Variants in GRIK4 observed in about 807,000 individuals in gnomAD.
GRIK4 encodes glutamate receptor ionotropic, kainate 4.
In GRIK4, 40 loss-of-function variants were observed where a neutral mutation model predicts 104.9. The ratio of observed to expected loss-of-function variants is 0.38; its 90% CI spans 0.30 to 0.50. The LOEUF (loss-of-function observed/expected upper bound fraction) is 0.50, where lower values mean the gene tolerates loss of function less well. Among genes scored for constraint, GRIK4 ranks in the 20% least tolerant of loss-of-function variants. GRIK4 has a pLI of 0.93. For missense variants in GRIK4, 1,047 were observed against 1,308.1 expected (o/e 0.80, Z 3.08); for synonymous variants, 485 against 524.9 (o/e 0.92, Z 1.04).
intron 9 of GRIK4, among the ~76,000 whole-genome samples, chr11:120,864,142 A>G (rs997036211): frequency 1.3e-5 from 2 of 152,184 alleles, no homozygotes; most frequent in Non-Finnish European, 2.9e-5. Flanking sequence ...CCTAGCAGCA[A>G]TGCAAGCCCT....
rs746611900 is a variant in GRIK4 at position 120,805,567 on chromosome 11, A to C, written c.247+2710A>C. Among the ~76,000 whole-genome samples the C allele has an allele frequency of 1.8e-4, 28 of 152,172 alleles. 1 individual carries two copies. Among genetic ancestry groups the C allele is most frequent in the Admixed American group, 1.0e-3 (16 of 15,276 alleles). Reference sequence around the variant, plus strand: ...GGTATTTTCTTAGCAAGTGGGCCTCAGTTCAGTTTTTACATCTCAGTGTGT... The same window carrying C: ...GGTATTTTCTTAGCAAGTGGGCCTCCGTTCAGTTTTTACATCTCAGTGTGT... On this transcript the variant is annotated intron_variant, in intron 4 of 20. Transcript: ENST00000527524.
chr11:120,854,195 C>A (rs779264716), intron 8 of GRIK4, among the ~76,000 whole-genome samples: 1 of 152,224 alleles, frequency 6.6e-6, no homozygotes, highest in Non-Finnish European at 1.5e-5. Flanking sequence ...TGACATGAGG[C>A]TGCCAGCCTC....
Position 120,532,448 on chromosome 11 carries a change from T to C in GRIK4, c.-159+20561T>C, listed in dbSNP as rs1439418051. ...GTCCTCTCAGAGGGGGAGAGGGTAT[T>C]GTTTAGACGTTTTGTGTAAATTAAT... On this transcript the variant is annotated intron_variant, in intron 1 of 20. Coordinates refer to ENST00000527524, the MANE Select transcript of GRIK4 (RefSeq NM_014619.5). Among the ~76,000 whole-genome samples, 3 of 152,210 alleles carry C rather than the reference T, an allele frequency of 2.0e-5. No individual in the cohort carries two copies. The East Asian group carries it at 5.8e-4, about 29-fold the overall frequency.
chr11:120,904,061 C>CT (rs1942810337), intron 12 of GRIK4, among the ~76,000 whole-genome samples: 1 of 152,190 alleles, frequency 6.6e-6, no homozygotes, highest in African/African-American at 2.4e-5. Flanking sequence ...TCCCCACTCT[C>CT]TAAGACCAGG....
chr11:120,642,062 A>G (rs1460201524), intron 1 of GRIK4, among the ~76,000 whole-genome samples: 1 of 152,140 alleles, frequency 6.6e-6, no homozygotes, highest in Non-Finnish European at 1.5e-5. Context: ...TCCACTTTGT[A>G]TTGGGATTTG....
intron 14 of GRIK4, among the ~76,000 whole-genome samples, chr11:120,951,721 C>T (rs1389594169): frequency 6.6e-6 from 1 of 152,178 alleles, no homozygotes; most frequent in Admixed American, 6.5e-5. Context: ...CAGCATGGAG[C>T]TGCAGAGAAT....
chr11:120,967,269 C>G lies in GRIK4; in HGVS notation c.2341C>G (p.Arg781Gly). 1 of 1,613,702 alleles carries G rather than the reference C, an allele frequency of 6.2e-7. No homozygotes were observed. Residue 781 changes from arginine (R) to glycine (G), a missense_variant, in exon 19 of 21, where the codon CGC becomes GGC. Around this residue, in one of 3 missense-constraint regions of GRIK4, gnomAD observed 440 missense variants for 652.3 expected, o/e 0.67. Coordinates refer to ENST00000527524, the MANE Select transcript of GRIK4 (RefSeq NM_014619.5). This position sits in a 1 kb window ranked among gnomAD's most constrained non-coding sequence, Gnocchi z 4.2. ...QENNRLEILKRKWWEGGKCPK... is the reference protein window; with the variant it reads ...QENNRLEILKGKWWEGGKCPK... ...GAACAACCGCCTGGAGATCCTGAAG[C>G]GCAAATGGTGGGAAGGAGGGAAGTG...
chr11:120,633,394 G>A (rs1389176970), intron 1 of GRIK4, among the ~76,000 whole-genome samples: 1 of 152,146 alleles, frequency 6.6e-6, no homozygotes, highest in Non-Finnish European at 1.5e-5. Context: ...CTCTGCAGAC[G>A]CTGGCCCCTC....
rs1005580036 is a variant in GRIK4 at position 120,823,641 on chromosome 11, G to A, written c.511+3721G>A. Among the ~76,000 whole-genome samples, 4 of 152,180 alleles carry A rather than the reference G, an allele frequency of 2.6e-5. 1 individual carries two copies. The highest frequency in any genetic ancestry group is 2.6e-4 in the Admixed American group (4 of 15,274). On this transcript the variant is annotated intron_variant, in intron 6 of 20. Coordinates refer to ENST00000527524, the MANE Select transcript of GRIK4 (RefSeq NM_014619.5). ...CTGCACAAACAGCCCTGGAGCAGTG[G>A]TTCGAGGGTGGGCTCTGCCTGGCAG...
rs937184100 is a variant in GRIK4, at chr11:120,560,473, A to G, written c.-159+48586A>G. Reference sequence around the variant, plus strand: ...CACAGTGTCCCCGTTGAATTCATCAATGAGTCTCCTTCACAGTGATATACG... The same window carrying G: ...CACAGTGTCCCCGTTGAATTCATCAGTGAGTCTCCTTCACAGTGATATACG... On this transcript the variant is annotated intron_variant, in intron 1 of 20. Coordinates refer to ENST00000527524, the MANE Select transcript of GRIK4 (RefSeq NM_014619.5). Among the ~76,000 whole-genome samples the G allele has an allele frequency of 2.6e-5, 4 of 152,214 alleles. No homozygotes were observed. The East Asian group carries it at 5.8e-4, about 22-fold the overall frequency.
In GRIK4 at chr11:120,796,021, T is replaced by G. The variant is rs528037059; in HGVS notation, c.83-6672T>G. ...TTATTATTGTATTGTTATTTTTTGG[T>G]TTTTTTTTCCTGAATTTTTTTTTTT... On this transcript the variant is annotated intron_variant, in intron 3 of 20. Coordinates refer to ENST00000527524, the MANE Select transcript of GRIK4 (RefSeq NM_014619.5). Among the ~76,000 whole-genome samples the G allele has an allele frequency of 3.0e-4, 42 of 140,618 alleles. 1 individual carries two copies. In the South Asian group the frequency reaches 5.4e-3, roughly 18 times the overall value. The allele number at this position is 140,618 out of a possible 152,430, so 92.3% of individuals were successfully genotyped here.
At chr11:120,636,383 T>C (rs1949396959) in intron 1 of GRIK4, among the ~76,000 whole-genome samples, 1 of 152,218 alleles carries the variant, frequency 6.6e-6, no homozygotes, top group Non-Finnish European at 1.5e-5. Flanking sequence ...TTTCAGTTCC[T>C]AGGCAAATGT....
intron 19 of GRIK4, among the ~76,000 whole-genome samples, chr11:120,970,456 A>G (rs1383626757): frequency 6.6e-6 from 1 of 151,822 alleles, no homozygotes; most frequent in Non-Finnish European, 1.5e-5. Context: ...ATTCCATTTG[A>G]TCTCTTGAGC....
chr11:120,736,239 G>T (rs1287772104), intron 3 of GRIK4, among the ~76,000 whole-genome samples: 1 of 152,122 alleles, frequency 6.6e-6, no homozygotes, highest in African/African-American at 2.4e-5. Flanking sequence ...GGGAGCCAGG[G>T]CCGGGAATGG....
intron 3 of GRIK4, among the ~76,000 whole-genome samples, chr11:120,739,694 G>T (rs1178724299): frequency 6.6e-6 from 1 of 152,204 alleles, no homozygotes; most frequent in Non-Finnish European, 1.5e-5. Flanking sequence ...ATTGCAATAC[G>T]GGGCACTTTG....
At chr11:120,745,223 AAC>A (rs1565327650) in intron 3 of GRIK4, among the ~76,000 whole-genome samples, 1 of 152,184 alleles carries the variant, frequency 6.6e-6, no homozygotes, top group Non-Finnish European at 1.5e-5. Flanking sequence ...CATCTTCTAG[AAC>A]ACTTACTCCT....
intron 8 of GRIK4, 78 bp from the exon 9 acceptor site, chr11:120,861,881 G>A (rs559060397): frequency 9.2e-7 from 1 of 1,092,612 alleles, no homozygotes; most frequent in South Asian, 1.4e-5. Flanking sequence ...GTGGTACCCA[G>A]ATATGCTTTA....
At chr11:120,779,575 C>A (rs1179167435) in intron 3 of GRIK4, among the ~76,000 whole-genome samples, 2 of 152,150 alleles carry the variant, frequency 1.3e-5, no homozygotes, top group Non-Finnish European at 2.9e-5. Context: ...GTCACATAGA[C>A]CTGGATTCAA....
chr11:120,579,920 AC>A (rs1381632902), intron 1 of GRIK4, among the ~76,000 whole-genome samples: 1 of 151,346 alleles, frequency 6.6e-6, no homozygotes, highest in Non-Finnish European at 1.5e-5. Context: ...CCCACCTCCC[AC>A]CCTTGGCGAC....
Sources: gnomAD v4.1 joint callset for allele counts (sites outside exome capture counted in the v4.1 genomes callset) on GRCh38, gnomAD v4.1.1 for gene constraint, gnomAD v4.1.1 regional missense constraint, Gnocchi (gnomAD v3.1) non-coding constraint, MANE v1.5 for transcripts, NCBI Gene and HGNC (gene_info 2026-07-23, HGNC 2026-07-21) for gene names.